Variants in AMBRA1 observed in about 807,000 individuals in gnomAD.
The protein encoded by AMBRA1 is autophagy and beclin 1 regulator 1.
AMBRA1 carries 47 observed loss-of-function variants against 125.4 expected under a neutral mutation model. The ratio of observed to expected loss-of-function variants is 0.37; its 90% confidence interval spans 0.30 to 0.48. AMBRA1 has a LOEUF of 0.48. Ranked by LOEUF, AMBRA1 falls within the 20% of genes least tolerant of loss-of-function variation. The pLI is 0.99. For missense variants in AMBRA1, 1,331 were observed against 1,693.4 expected (o/e 0.79, Z 3.76); for synonymous variants, 626 against 655.5 (o/e 0.95, Z 0.69).
chr11:46,404,925 T>A (rs1201317735), intron 17 of AMBRA1, among the ~76,000 whole-genome samples: 1 of 152,114 alleles, frequency 6.6e-6, no homozygotes, highest in East Asian at 1.9e-4. Context: ...CAGACATACT[T>A]CTGAAGGTGG....
At chr11:46,510,679 T>C (rs1276566800) in intron 8 of AMBRA1, among the ~76,000 whole-genome samples, 2 of 152,208 alleles carry the variant, frequency 1.3e-5, no homozygotes, top group African/African-American at 4.8e-5. Flanking sequence ...TGTAGATTAA[T>C]GGTTTAAAAA....
At chr11:46,514,077 G>A (rs1305593557) in intron 7 of AMBRA1, among the ~76,000 whole-genome samples, 1 of 152,106 alleles carries the variant, frequency 6.6e-6, no homozygotes, top group Non-Finnish European at 1.5e-5. Flanking sequence ...TTCCTCTCCA[G>A]CAGCATCTTG....
intron 11 of AMBRA1, among the ~76,000 whole-genome samples, chr11:46,469,963 C>G (rs922985989): frequency 2.6e-5 from 4 of 151,914 alleles, no homozygotes; most frequent in Admixed American, 2.6e-4. Context: ...CAGGAATGAG[C>G]CACTGTGCCC....
chr11:46,583,652 C>CAAAAAAAAAAAAAAAAA lies in AMBRA1; in HGVS notation c.-121+10159_-121+10175dup, dbSNP rs1398623719. Reference sequence around the variant, plus strand: ...TCTACAATGAACTCAAACAAATTTCCAAAAAAAAAAAAAAAAAAAAAAAAA... The same window carrying CAAAAAAAAAAAAAAAAA: ...TCTACAATGAACTCAAACAAATTTCCAAAAAAAAAAAAAAAAAAAAAAAAAAAAAAAAAAAAAAAAAA... On this transcript the variant is annotated intron_variant, in intron 1 of 17. Coordinates refer to ENST00000683756, the MANE Select transcript of AMBRA1 (RefSeq NM_001387011.1). 7.2e-4 allele frequency among the ~76,000 whole-genome samples: 9 copies of CAAAAAAAAAAAAAAAAA among 12,560 alleles called. 1 individual carries two copies. Among genetic ancestry groups the CAAAAAAAAAAAAAAAAA allele is most frequent in the Admixed American group, 1.1e-3 (1 of 936 alleles). The allele number at this position is 12,560 out of a possible 152,430, so 8.2% of individuals were successfully genotyped here. A position where few individuals can be genotyped will look rare whatever the true frequency, so the allele number is the denominator to read the frequency against.
intron 11 of AMBRA1, among the ~76,000 whole-genome samples, chr11:46,479,034 AC>A (rs1239140923): frequency 1.3e-5 from 2 of 152,108 alleles, no homozygotes; most frequent in Non-Finnish European, 2.9e-5. Flanking sequence ...CCCTGTCTCT[AC>A]AAAAAATACC....
At position 46,573,015 on chromosome 11, in the gene AMBRA1, C is replaced by T. The variant is rs563529102; in HGVS notation, c.-121+20813G>A. On this transcript the variant is annotated intron_variant, in intron 1 of 17. Transcript: ENST00000683756. ...CTGCAGGAGGCTGAGGCAGGCGAAT[C>T]GCTTGAACCTGGGAGGTGGAGGTTG... Among the ~76,000 whole-genome samples, 7 of 150,480 alleles carry T rather than the reference C, an allele frequency of 4.7e-5. No individual in the cohort carries two copies. In the East Asian group the frequency reaches 9.8e-4, roughly 21 times the overall value.
In AMBRA1 at chr11:46,397,772, G is replaced by C; in HGVS notation, c.3575C>G (p.Ser1192Cys). The change falls in exon 18 of 18, where the codon TCT becomes TGT. Residue 1192 changes from serine (S) to cysteine (C), a missense_variant. Coordinates refer to ENST00000683756, the MANE Select transcript of AMBRA1 (RefSeq NM_001387011.1). ...GGCACCAGGTTCAGTGCCCGTCTGA[G>C]AGCTGCGGTGAATGCGGTGGCTGAC... Reference protein sequence around the residue: ...IIVSHRIHRSSQTGTEPGAAH... With the variant: ...IIVSHRIHRSCQTGTEPGAAH... 1.9e-6 allele frequency: 3 copies of C among 1,611,864 alleles called. No homozygotes were observed. Among genetic ancestry groups the C allele is most frequent in the Non-Finnish European group, 2.5e-6 (3 of 1,180,002 alleles).
chr11:46,552,707 C>T (rs1163744464), intron 1 of AMBRA1, among the ~76,000 whole-genome samples: 1 of 150,228 alleles, frequency 6.7e-6, no homozygotes, highest in Non-Finnish European at 1.5e-5. Context: ...TTAAATTATG[C>T]GGTAAGTACA....
At chr11:46,445,083 A>C (rs539593705) in intron 11 of AMBRA1, among the ~76,000 whole-genome samples, 35 of 151,998 alleles carry the variant, frequency 2.3e-4, no homozygotes, top group African/African-American at 7.2e-4. Flanking sequence ...AAAAAAAAAA[A>C]ACAAAAAAAA....
intron 11 of AMBRA1, among the ~76,000 whole-genome samples, chr11:46,467,428 TTTC>T (rs1949374664): frequency 6.6e-6 from 1 of 152,228 alleles, no homozygotes; most frequent in African/African-American, 2.4e-5. Flanking sequence ...TGCAATTTTG[TTTC>T]TTCTAGAAGA....
chr11:46,592,897 CAT>C (rs1233614980), intron 1 of AMBRA1, among the ~76,000 whole-genome samples: 1 of 152,144 alleles, frequency 6.6e-6, no homozygotes, highest in Non-Finnish European at 1.5e-5. Context: ...CCACAAACAC[CAT>C]AGTTATAAGA....
chr11:46,541,250 C>G (rs912728276), intron 7 of AMBRA1, among the ~76,000 whole-genome samples: 1 of 152,126 alleles, frequency 6.6e-6, no homozygotes, highest in East Asian at 1.9e-4. Context: ...GGCTAGGATG[C>G]CAATCTGAGT....
At chr11:46,408,987 G>C (rs1347056712) in intron 16 of AMBRA1, among the ~76,000 whole-genome samples, 1 of 152,218 alleles carries the variant, frequency 6.6e-6, no homozygotes, top group Non-Finnish European at 1.5e-5. Context: ...GGCCCCTGTC[G>C]GGGAGTGGGG....
intron 11 of AMBRA1, among the ~76,000 whole-genome samples, chr11:46,464,031 GAC>G (rs1223570892): frequency 1.8e-4 from 28 of 152,334 alleles, no homozygotes; most frequent in Admixed American, 1.1e-3. Flanking sequence ...AGTAGTCAGA[GAC>G]AGTTTTTGTT....
At chr11:46,453,241 T>C (rs907197949) in intron 11 of AMBRA1, among the ~76,000 whole-genome samples, 2 of 152,050 alleles carry the variant, frequency 1.3e-5, no homozygotes, top group Non-Finnish European at 1.5e-5. Flanking sequence ...TCCACGCTTA[T>C]TGCATGTTTC....
In AMBRA1 at chr11:46,410,360, T is replaced by C. The variant is rs761894991; in HGVS notation, c.3125A>G (p.Asn1042Ser). 1.4e-5 allele frequency: 23 copies of C among 1,613,488 alleles called. No homozygotes were observed. The East Asian group carries it at 4.9e-4, about 34-fold the overall frequency. Reference protein sequence around the residue: ...DLVICRPEALNSGVEYYWDQL... With the variant: ...DLVICRPEALSSGVEYYWDQL... ...GTCCCAGTAGTACTCAACACCAGAG[T>C]TTAAGGCCCTAAAAATCAGTTGGGA... The change falls in exon 16 of 18, where the codon AAC becomes AGC. Residue 1042 changes from asparagine (N) to serine (S), a missense_variant. By Grantham distance (46) the Asn-to-Ser change is conservative. Coordinates refer to ENST00000683756, the MANE Select transcript of AMBRA1 (RefSeq NM_001387011.1).
intron 11 of AMBRA1, among the ~76,000 whole-genome samples, chr11:46,471,243 A>G (rs559963385): frequency 9.2e-5 from 14 of 152,004 alleles, no homozygotes. Context: ...GGAGTTTAAG[A>G]CCAGCCTGGC....
intron 7 of AMBRA1, among the ~76,000 whole-genome samples, chr11:46,527,500 A>AAAAAAAAAAAAAAAAAAAAAG (rs1952029343): frequency 6.7e-6 from 1 of 150,026 alleles, no homozygotes; most frequent in Non-Finnish European, 1.5e-5. Flanking sequence ...AAAAAAAAAA[A>AAAAAAAAAAAAAAAAAAAAAG]AAAAGGCAAC....
intron 17 of AMBRA1, among the ~76,000 whole-genome samples, chr11:46,408,203 G>A (rs746117017): frequency 2.0e-5 from 3 of 152,198 alleles, no homozygotes; most frequent in Non-Finnish European, 4.4e-5. Context: ...TACTTCTCTG[G>A]AATGGCAGCT....
Sources: gnomAD v4.1 joint callset for allele counts (sites outside exome capture counted in the v4.1 genomes callset) on GRCh38, gnomAD v4.1.1 for gene constraint, MANE v1.5 for transcripts, NCBI Gene and HGNC (gene_info 2026-07-23, HGNC 2026-07-21) for gene names.